The following RNF144A variants were observed in gnomAD, a reference collection of about 807,000 sequenced individuals.
RNF144A encodes the protein ring finger protein 144A, also known as E3 ubiquitin-protein ligase RNF144A.
Under a neutral mutation model 38.7 loss-of-function variants are expected in RNF144A, and 11 were observed. That is an observed-to-expected ratio of 0.28 (90% CI 0.18 to 0.47). The LOEUF (loss-of-function observed/expected upper bound fraction) is 0.47, where lower values mean the gene tolerates loss of function less well. RNF144A is among the 20% of genes least tolerant of loss of function. RNF144A has a pLI of 0.99. For missense variants in RNF144A, 316 were observed against 377.2 expected, an observed-to-expected ratio of 0.84 and a Z score of 1.34; for synonymous variants, 149 against 143.9, an observed-to-expected ratio of 1.04 and a Z score of -0.25.
intron 2 of RNF144A, among the ~76,000 whole-genome samples, chr2:6,996,448 A>G (rs1158823813): frequency 6.6e-6 from 1 of 152,144 alleles, no homozygotes; most frequent in Non-Finnish European, 1.5e-5. Context: ...AGTTACTACC[A>G]GAATGGTAAG....
At chr2:6,985,543 AG>A (rs1232700580) in intron 2 of RNF144A, among the ~76,000 whole-genome samples, 1 of 152,212 alleles carries the variant, frequency 6.6e-6, no homozygotes, top group Non-Finnish European at 1.5e-5. Context: ...TTGGAATTGC[AG>A]GTGAGTTCTT....
intron 2 of RNF144A, among the ~76,000 whole-genome samples, chr2:6,961,136 A>G (rs972846435): frequency 1.3e-5 from 2 of 152,080 alleles, no homozygotes; most frequent in African/African-American, 2.4e-5. Context: ...TAATTTAGCA[A>G]TTAGAAAAGG....
At chr2:6,935,515 A>G (rs1665513550) in intron 1 of RNF144A, among the ~76,000 whole-genome samples, 1 of 152,144 alleles carries the variant, frequency 6.6e-6, no homozygotes, top group Non-Finnish European at 1.5e-5. Context: ...TTTCCCGTCT[A>G]CATCCCTGCC....
intron 2 of RNF144A, among the ~76,000 whole-genome samples, chr2:6,985,650 G>A (rs1274301821): frequency 1.3e-5 from 2 of 152,114 alleles, no homozygotes; most frequent in African/African-American, 4.8e-5. Flanking sequence ...CGGTATCAAT[G>A]GGGTTTTCAA....
At chr2:7,024,954 T>A (rs543641368) in intron 7 of RNF144A, among the ~76,000 whole-genome samples, 18 of 151,920 alleles carry the variant, frequency 1.2e-4, no homozygotes, top group Non-Finnish European at 2.1e-4. Flanking sequence ...TGATCAGGAC[T>A]CCTTCCTGGT....
At chr2:7,068,321 A>G, downstream of RNF144A, 1 of 1,118,454 alleles carries the variant, frequency 8.9e-7, no homozygotes, top group Non-Finnish European at 1.2e-6. Context: ...ATTAATACAG[A>G]GTAATTCATT....
chr2:7,026,500 GTT>G (rs5829094), intron 7 of RNF144A, among the ~76,000 whole-genome samples: 4 of 142,504 alleles, frequency 2.8e-5, no homozygotes, highest in Admixed American at 7.0e-5. Context: ...CTGTATTCCA[GTT>G]TTTTTTTTTT....
chr2:7,046,590 A>G (rs1673315135), downstream of RNF144A, among the ~76,000 whole-genome samples: 1 of 152,220 alleles, frequency 6.6e-6, no homozygotes, highest in South Asian at 2.1e-4. Context: ...TCCACTGTGA[A>G]TGTGGATGAG....
At chr2:7,011,460 G>C (rs1670795864) in intron 3 of RNF144A, among the ~76,000 whole-genome samples, 1 of 152,182 alleles carries the variant, frequency 6.6e-6, no homozygotes, top group Non-Finnish European at 1.5e-5. Flanking sequence ...GCCACATGTG[G>C]GTTTGAGCCC....
At chr2:6,924,371 A>G (rs1182488658) in intron 1 of RNF144A, among the ~76,000 whole-genome samples, 1 of 152,194 alleles carries the variant, frequency 6.6e-6, no homozygotes, top group Non-Finnish European at 1.5e-5. Flanking sequence ...GTGAAGGGAG[A>G]TGCATAATGT....
Position 7,043,335 on chromosome 2 carries a change from T to C in RNF144A, c.*3575T>C. On this transcript the variant is annotated 3_prime_UTR_variant, in exon 9 of 9. Coordinates refer to ENST00000320892, the MANE Select transcript of RNF144A (RefSeq NM_014746.6). ...TTGTTTTCATTTGTATTGCAAAAGT[T>C]AGAAGTCATTTTACAAATTAAAAAA... The C allele has an allele frequency of 1.0e-6, 1 of 985,294 alleles. No homozygotes were observed. The highest frequency in any genetic ancestry group is 1.2e-6 in the Non-Finnish European group (1 of 829,768). The allele number at this position is 985,294 out of a possible 1,614,324, so 61.0% of individuals were successfully genotyped here. A position where few individuals can be genotyped will look rare whatever the true frequency, so the allele number is the denominator to read the frequency against.
At chr2:6,978,824 A>G (rs1385254835) in intron 2 of RNF144A, 1 of 152,566 alleles carries the variant, frequency 6.6e-6, no homozygotes, top group East Asian at 1.9e-4. Flanking sequence ...GATCATCACC[A>G]CCATGTCAGA....
At chr2:7,055,207 C>G (rs533946077) in intron 6 of RNF144A, among the ~76,000 whole-genome samples, 4 of 152,278 alleles carry the variant, frequency 2.6e-5, no homozygotes, top group African/African-American at 9.6e-5. Flanking sequence ...TGGAATTATT[C>G]AATCCTGAGC....
At chr2:6,931,111 G>A (rs1466026259) in intron 1 of RNF144A, among the ~76,000 whole-genome samples, 1 of 152,212 alleles carries the variant, frequency 6.6e-6, no homozygotes, top group Admixed American at 6.5e-5. Flanking sequence ...TCAGAACTGG[G>A]ACAGTGTGCC....
At chr2:6,969,785 A>G (rs141817634) in intron 2 of RNF144A, among the ~76,000 whole-genome samples, 103 of 152,194 alleles carry the variant, frequency 6.8e-4, no homozygotes, top group Non-Finnish European at 6.6e-4. Context: ...TTTGTTTCAG[A>G]CAGTCTCGCT....
At chr2:7,070,763 A>G (rs138988568), downstream of RNF144A, among the ~76,000 whole-genome samples, 883 of 152,244 alleles carry the variant, frequency 5.8e-3, 5 homozygotes, top group African/African-American at 0.02. Context: ...ATGTGCCACA[A>G]GCCAAAAAAG....
chr2:6,937,327 G>C (rs561583605), intron 1 of RNF144A, among the ~76,000 whole-genome samples: 1 of 152,350 alleles, frequency 6.6e-6, no homozygotes, highest in South Asian at 2.1e-4. Context: ...ATGGGCCACT[G>C]TCCAGGTGGG....
intron 6 of RNF144A, among the ~76,000 whole-genome samples, chr2:7,063,565 G>C (rs1674062319): frequency 6.6e-6 from 1 of 152,068 alleles, no homozygotes; most frequent in Admixed American, 6.6e-5. Context: ...TAAGGATATG[G>C]GAGTCAAAGG....
At chr2:6,929,827 T>G (rs1032744642) in intron 1 of RNF144A, among the ~76,000 whole-genome samples, 1 of 152,242 alleles carries the variant, frequency 6.6e-6, no homozygotes, top group Non-Finnish European at 1.5e-5. Flanking sequence ...GGATAAAGTT[T>G]TCCTTGTTAA....
Sources: gnomAD v4.1 joint callset for allele counts (sites outside exome capture counted in the v4.1 genomes callset) on GRCh38, gnomAD v4.1.1 for gene constraint, MANE v1.5 for transcripts, NCBI Gene and HGNC (gene_info 2026-07-23, HGNC 2026-07-21) for gene names.